Variants in PLA2G7 observed in about 807,000 individuals in gnomAD.
The protein encoded by PLA2G7 is phospholipase A2 group VII, also known as platelet-activating factor acetylhydrolase.
In PLA2G7, 63 loss-of-function variants were observed where a neutral mutation model predicts 49.6. The observed-to-expected ratio is 1.27, with a 90% CI of 1.04 to 1.57. The LOEUF (loss-of-function observed/expected upper bound fraction) is 1.57, where lower values mean the gene tolerates loss of function less well. Among genes scored for constraint, PLA2G7 ranks in the 40% most tolerant of loss-of-function variants. PLA2G7 has a pLI of 0.00. For missense variants in PLA2G7, 596 were observed against 521.2 expected, an observed-to-expected ratio of 1.14 and a Z score of -1.40; for synonymous variants, 193 against 169.9, an observed-to-expected ratio of 1.14 and a Z score of -1.06.
rs368946627 is a variant in PLA2G7, at chr6:46,704,441, T to TTCTCTCTCTCTC, written c.*107_*118dup. ...AGTCCTTTGGGAAAATACATTAAAA[T>TTCTCTCTCTCTC]TCTCTCTCTCTCTCTCTCTCTCTCT... On this transcript the variant is annotated 3_prime_UTR_variant, in exon 12 of 12. Transcript: ENST00000274793. 1.4e-4 allele frequency: 79 copies of TTCTCTCTCTCTC among 552,818 alleles called. No individual in the cohort carries two copies. The highest frequency in any genetic ancestry group is 7.8e-4 in the African/African-American group (40 of 51,044). 34.2% of individuals were successfully genotyped at this position (552,818 alleles called of 1,614,324 possible).
intron 2 of PLA2G7, among the ~76,000 whole-genome samples, chr6:46,720,184 G>A (rs1330150237): frequency 3.3e-5 from 5 of 152,176 alleles, no homozygotes; most frequent in African/African-American, 7.2e-5. Flanking sequence ...CACACAACTC[G>A]CTAAGGAGCC....
In PLA2G7 at chr6:46,712,302, G is replaced by A. The variant is rs765374598; in HGVS notation, c.506C>T (p.Ser169Phe). 1 of 1,612,892 alleles carries A rather than the reference G, an allele frequency of 6.2e-7. No individual in the cohort carries two copies. The highest frequency in any genetic ancestry group is 1.1e-5 in the South Asian group (1 of 91,064). Residue 169 changes from serine (S) to phenylalanine (F), a missense_variant, in exon 6 of 12, where the codon TCT becomes TTT. Coordinates refer to ENST00000274793, the MANE Select transcript of PLA2G7 (RefSeq NM_005084.4). ...LYSAIGIDLA[S>F]HGFIVAAVEH... The stretch of plus-strand genomic sequence containing the variant: ...TACAGCAGCAACTATAAACCCATGA[G>A]ATGCCAGGTCAATGCCAATAGCAGA...
At chr6:46,721,693 A>C (rs1765407738) in intron 2 of PLA2G7, among the ~76,000 whole-genome samples, 1 of 151,216 alleles carries the variant, frequency 6.6e-6, no homozygotes, top group Non-Finnish European at 1.5e-5. Flanking sequence ...TGTATCCTTG[A>C]TGACTTAACT....
chr6:46,704,735 T>G, intron 11 of PLA2G7, 39 bp from the exon 12 acceptor site: 1 of 1,342,210 alleles, frequency 7.5e-7, no homozygotes, highest in Non-Finnish European at 1.1e-6. Context: ...ATTAAACTTT[T>G]GAGAGCATTA....
At chr6:46,723,933 G>T (rs1765487168) in intron 1 of PLA2G7, among the ~76,000 whole-genome samples, 1 of 152,100 alleles carries the variant, frequency 6.6e-6, no homozygotes, top group Non-Finnish European at 1.5e-5. Context: ...TTGGACACCT[G>T]CTGCAATCAC....
intron 1 of PLA2G7, among the ~76,000 whole-genome samples, chr6:46,734,569 T>A (rs978251615): frequency 9.9e-5 from 15 of 151,056 alleles, no homozygotes; most frequent in African/African-American, 3.6e-4. Context: ...ATGCCTGTAA[T>A]CCCAGCATTT....
intron 2 of PLA2G7, among the ~76,000 whole-genome samples, chr6:46,721,944 G>A (rs912473554): frequency 6.6e-6 from 1 of 152,014 alleles, no homozygotes; most frequent in Non-Finnish European, 1.5e-5. Flanking sequence ...AGCTCTGTAG[G>A]TATAGTCAGT....
At chr6:46,704,953 G>C (rs902902017) in intron 11 of PLA2G7, among the ~76,000 whole-genome samples, 200 bp downstream of exon 11, 19 of 152,146 alleles carry the variant, frequency 1.2e-4, no homozygotes, top group Non-Finnish European at 2.2e-4. Context: ...ACCTTTAACA[G>C]TTGGATTTGC....
At position 46,708,082 on chromosome 6, in the gene PLA2G7, TA is replaced by T. The variant is rs1363340574; in HGVS notation, c.948del (p.Phe316LeufsTer14). 6.2e-7 allele frequency: 1 copy of T among 1,607,948 alleles called. No individual in the cohort carries two copies. Among genetic ancestry groups the T allele is most frequent in the Non-Finnish European group, 8.5e-7 (1 of 1,174,630 alleles). On this transcript the variant is annotated frameshift_variant, in exon 10 of 12. Coordinates refer to ENST00000274793, the MANE Select transcript of PLA2G7 (RefSeq NM_005084.4). LOFTEE classifies it high-confidence loss of function. ...VYSRIPQPLF[F>X]INSEYFQYPA... is the part of the protein sequence containing the mutation. Reference sequence around the variant, plus strand: ...GGATATTGGAAATATTCAGAGTTGATAAAAAAGAGGGGCTGAGGAATTCTGG... The same window carrying T: ...GGATATTGGAAATATTCAGAGTTGATAAAAAGAGGGGCTGAGGAATTCTGG...
Position 46,710,584 on chromosome 6 carries a change from C to A in PLA2G7, c.738G>T (p.Lys246Asn). 6.2e-7 allele frequency: 1 copy of A among 1,613,254 alleles called. No individual in the cohort carries two copies. The highest frequency in any genetic ancestry group is 8.5e-7 in the Non-Finnish European group (1 of 1,179,240). The change falls in exon 8 of 12, where the codon AAG becomes AAT. Residue 246 changes from lysine (K) to asparagine (N), a missense_variant. By Grantham distance (94) the Lys-to-Asn change is moderately conservative (BLOSUM62 0). Transcript: ENST00000274793. Reference sequence around the variant, plus strand: ...TATCAAACTTTAAATCTAATGCATTCTTCACTGGCTTTCCATGATCAATGT... The same window carrying A: ...TATCAAACTTTAAATCTAATGCATTATTCACTGGCTTTCCATGATCAATGT... ...ILDIDHGKPVKNALDLKFDME... is the reference protein window; with the variant it reads ...ILDIDHGKPVNNALDLKFDME...
intron 1 of PLA2G7, among the ~76,000 whole-genome samples, chr6:46,731,120 A>T (rs981456904): frequency 4.6e-5 from 7 of 152,182 alleles, no homozygotes. Flanking sequence ...TGCACATCAG[A>T]GTGAGTCAGG....
At chr6:46,715,258 C>A (rs1183752226) in intron 4 of PLA2G7, among the ~76,000 whole-genome samples, 7 of 152,194 alleles carry the variant, frequency 4.6e-5, no homozygotes, top group Non-Finnish European at 1.0e-4. Context: ...AACAGAGACT[C>A]TGTTCATTAT....
intron 1 of PLA2G7, among the ~76,000 whole-genome samples, chr6:46,732,783 A>C (rs1224502720): frequency 3.9e-5 from 6 of 152,204 alleles, no homozygotes; most frequent in Non-Finnish European, 8.8e-5. Flanking sequence ...AGGGCACATA[A>C]TGTGTCTAAC....
Position 46,716,446 on chromosome 6 carries a change from CA to C in PLA2G7, c.313del (p.Trp105GlyfsTer17). ...TGTTCCAAGAAATTTGCTAAGACCC[CA>C]AAAATATTCTTTATTTGGGATCCAA... ...TLWIPNKEYF[W>X]GLSKFLGTHW... On this transcript the variant is annotated frameshift_variant, in exon 4 of 12. Transcript: ENST00000274793. LOFTEE classifies it high-confidence loss of function. 3 of 1,613,930 alleles carry C rather than the reference CA, an allele frequency of 1.9e-6. No homozygotes were observed. The African/African-American group carries it at 4.0e-5, about 22-fold the overall frequency.
intron 1 of PLA2G7, among the ~76,000 whole-genome samples, chr6:46,725,328 T>C (rs1279469528): frequency 6.6e-6 from 1 of 151,960 alleles, no homozygotes; most frequent in African/African-American, 2.4e-5. Context: ...GCCTCCTGGG[T>C]TCAGGCAATT....
intron 10 of PLA2G7, among the ~76,000 whole-genome samples, chr6:46,707,038 G>A (rs1764852714): frequency 6.6e-6 from 1 of 152,112 alleles, no homozygotes; most frequent in African/African-American, 2.4e-5. Flanking sequence ...TAGGAAAGGG[G>A]TGAGTTCAGG....
intron 2 of PLA2G7, among the ~76,000 whole-genome samples, chr6:46,717,505 T>C (rs1320887833): frequency 6.6e-6 from 1 of 152,110 alleles, no homozygotes; most frequent in Admixed American, 6.5e-5. Flanking sequence ...CCCATAAGAA[T>C]GTCAAAATGA....
At chr6:46,717,167 C>G in intron 2 of PLA2G7, 71 bp from the exon 3 acceptor site, 5 of 1,373,288 alleles carry the variant, frequency 3.6e-6, no homozygotes, top group African/African-American at 1.4e-5. Context: ...AAAAGAATTC[C>G]AACGGAATCA....
At chr6:46,716,286 G>GA in intron 4 of PLA2G7, 98 bp downstream of exon 4, 2 of 1,278,452 alleles carry the variant, frequency 1.6e-6, no homozygotes, top group Admixed American at 1.7e-5. Context: ...TTGGACTGAA[G>GA]AAAAATCTAC....
Sources: allele counts gnomAD v4.1 joint callset (sites outside exome capture counted in the v4.1 genomes callset), GRCh38; gene constraint gnomAD v4.1.1; transcripts MANE v1.5; gene names NCBI Gene and HGNC (gene_info 2026-07-23, HGNC 2026-07-21).